The following CEP162 variants were observed in gnomAD, a reference collection of about 807,000 sequenced individuals.
CEP162 encodes centrosomal protein of 162 kDa.
Under a neutral mutation model 169.2 loss-of-function variants are expected in CEP162, and 141 were observed. That is an observed-to-expected ratio of 0.83 (90% CI 0.73 to 0.96). The LOEUF is 0.96. CEP162 is among the 40% of genes least tolerant of loss of function. The pLI is 0.00. For missense variants in CEP162, 1,600 were observed against 1,587.2 expected, an observed-to-expected ratio of 1.01 and a Z score of -0.14; for synonymous variants, 540 against 526.4, an observed-to-expected ratio of 1.03 and a Z score of -0.35.
rs113005837 is a variant in CEP162, at chr6:84,160,490, C to T, written c.2781+322G>A. ...CCTGTACTCCTCTCTCAGCTGTCTA[C>T]GGTCAGGAAGAGAAATCCTAACTCT... On this transcript the variant is annotated intron_variant, in intron 21 of 26. Coordinates refer to ENST00000403245, the MANE Select transcript of CEP162 (RefSeq NM_014895.4). Among the ~76,000 whole-genome samples the T allele has an allele frequency of 5.3e-5, 8 of 152,232 alleles. No individual in the cohort carries two copies. In the South Asian group the frequency reaches 8.3e-4, roughly 16 times the overall value.
At position 84,155,435 on chromosome 6, in the gene CEP162, C is replaced by T; in HGVS notation, c.2857G>A (p.Ala953Thr). ...GTATTTTTATCCACTGTATCACCAGCTGCTGATGCAGCCAATATTAAAGCA... is the reference window on the plus strand; with the variant it reads ...GTATTTTTATCCACTGTATCACCAGTTGCTGATGCAGCCAATATTAAAGCA... The part of the protein sequence containing the change: ...LPALILAASA[A>T]GDTVDKNTVE... The change falls in exon 22 of 27, where the codon GCT becomes ACT. Residue 953 changes from alanine to threonine, a missense_variant. Transcript: ENST00000403245. The T allele has an allele frequency of 6.2e-7, 1 of 1,613,450 alleles. No homozygotes were observed. Among genetic ancestry groups the T allele is most frequent in the Non-Finnish European group, 8.5e-7 (1 of 1,179,502 alleles).
intron 24 of CEP162, among the ~76,000 whole-genome samples, chr6:84,149,293 G>A (rs1481489337): frequency 6.6e-6 from 1 of 152,026 alleles, no homozygotes; most frequent in Non-Finnish European, 1.5e-5. Flanking sequence ...ACTTATTTGA[G>A]AAGTATAGGG....
intron 21 of CEP162, among the ~76,000 whole-genome samples, chr6:84,158,118 A>G (rs546799756): frequency 2.6e-5 from 4 of 152,320 alleles, no homozygotes; most frequent in African/African-American, 9.6e-5. Flanking sequence ...ATTATGGTGA[A>G]GATATCTTTG....
At chr6:84,226,241 T>A (rs985941934) in intron 2 of CEP162, 96 bp downstream of exon 2, 1 of 804,882 alleles carries the variant, frequency 1.2e-6, no homozygotes, top group Non-Finnish European at 2.1e-6. Context: ...ATTCAGAGTT[T>A]GGTGATGGAC....
At chr6:84,136,583 G>A (rs1271457400) in intron 25 of CEP162, among the ~76,000 whole-genome samples, 2 of 152,164 alleles carry the variant, frequency 1.3e-5, no homozygotes, top group African/African-American at 4.8e-5. Context: ...TAGGCTATAT[G>A]TATCTGTTTG....
chr6:84,159,270 A>G (rs1411559922), intron 21 of CEP162, among the ~76,000 whole-genome samples: 1 of 151,024 alleles, frequency 6.6e-6, no homozygotes, highest in Non-Finnish European at 1.5e-5. Flanking sequence ...ACTGTTTAAT[A>G]AAAGTATTAA....
rs767178684 is a variant in CEP162 at position 84,215,898 on chromosome 6, T to C, written c.197A>G (p.Tyr66Cys). The C allele has an allele frequency of 8.3e-6, 13 of 1,571,922 alleles. No homozygotes were observed. The East Asian group carries it at 1.4e-4, about 17-fold the overall frequency. The stretch of plus-strand genomic sequence containing the variant: ...CTGAGAAGTCTTCTTTGTTTTCAAA[T>C]AGCTCACATTTGTTCCAAGAAGTCC... ...DDGLLGTNVS[Y>C]LKTKKTSQPV... The change falls in exon 4 of 27, where the codon TAT becomes TGT. Residue 66 changes from tyrosine (Y) to cysteine (C), a missense_variant. Transcript: ENST00000403245.
chr6:84,201,745 A>G lies in CEP162; in HGVS notation c.710T>C (p.Leu237Pro), dbSNP rs1486663926. Residue 237 changes from leucine to proline, a missense_variant, in exon 8 of 27, where the codon CTT becomes CCT. Transcript: ENST00000403245. ...PKQEEEKTGM[L>P]ANVVLLDSLD... ...ATATAAATAATATTTACCATTAGCA[A>G]GCATGCCAGTTTTTTCTTCTTCCTA... is the stretch of plus-strand genomic sequence containing the variant. 2.3e-6 allele frequency: 3 copies of G among 1,332,526 alleles called. No homozygotes were observed. Among genetic ancestry groups the G allele is most frequent in the African/African-American group, 1.5e-5 (1 of 67,816 alleles). The allele number at this position is 1,332,526 out of a possible 1,614,324, so 82.5% of individuals were successfully genotyped here. A position where few individuals can be genotyped will look rare whatever the true frequency, so the allele number is the denominator to read the frequency against.
intron 6 of CEP162, among the ~76,000 whole-genome samples, chr6:84,206,161 T>C (rs576550075): frequency 6.7e-6 from 1 of 149,360 alleles, no homozygotes; most frequent in South Asian, 2.1e-4. Context: ...AATTTACAGA[T>C]ACAGTGCCAT....
In CEP162 at chr6:84,221,082, T is replaced by TA. The variant is rs1308275734; in HGVS notation, c.146dup (p.Thr50AsnfsTer2). On this transcript the variant is annotated frameshift_variant, in exon 3 of 27. Coordinates refer to ENST00000403245, the MANE Select transcript of CEP162 (RefSeq NM_014895.4). LOFTEE classifies it high-confidence loss of function. ...CATCATCTTTAAAATCATCTTCAGTTATCCACCAAGGCACTGTATCTTTCT... is the reference window on the plus strand; with the variant it reads ...CATCATCTTTAAAATCATCTTCAGTTAATCCACCAAGGCACTGTATCTTTCT... 1 of 1,588,188 alleles carries TA rather than the reference T, an allele frequency of 6.3e-7. No homozygotes were observed. The highest frequency in any genetic ancestry group is 8.6e-7 in the Non-Finnish European group (1 of 1,157,858).
intron 7 of CEP162, 63 bp downstream of exon 7, chr6:84,203,918 C>G: frequency 1.1e-6 from 1 of 900,536 alleles, no homozygotes; most frequent in Non-Finnish European, 1.7e-6. Context: ...CTTCATATAG[C>G]AATAGGCAGC....
intron 9 of CEP162, among the ~76,000 whole-genome samples, chr6:84,197,659 A>C (rs1346305341): frequency 3.3e-5 from 5 of 152,004 alleles, no homozygotes; most frequent in African/African-American, 1.2e-4. Flanking sequence ...CTAAAAAAAA[A>C]TACAAAAATT....
chr6:84,195,258 CTG>C (rs1297943199), intron 9 of CEP162, among the ~76,000 whole-genome samples, 183 bp from the exon 10 acceptor site: 1 of 152,226 alleles, frequency 6.6e-6, no homozygotes, highest in African/African-American at 2.4e-5. Flanking sequence ...TTTTAGCAAA[CTG>C]AGGCGTGTCC....
intron 6 of CEP162, among the ~76,000 whole-genome samples, chr6:84,209,247 CA>C (rs1449896735): frequency 6.6e-6 from 1 of 152,018 alleles, no homozygotes; most frequent in East Asian, 1.9e-4. Context: ...GTACTTTTCT[CA>C]AAAGATTAAT....
chr6:84,202,335 A>T (rs1166111240), intron 7 of CEP162, among the ~76,000 whole-genome samples: 6 of 152,068 alleles, frequency 3.9e-5, no homozygotes, highest in Non-Finnish European at 4.4e-5. Flanking sequence ...TTGGGTAGGC[A>T]GTTTGTGGGA....
At chr6:84,215,231 C>T in intron 5 of CEP162, 51 bp downstream of exon 5, 1 of 1,065,598 alleles carries the variant, frequency 9.4e-7, no homozygotes, top group Non-Finnish European at 1.3e-6. Flanking sequence ...TATCAGCCTT[C>T]CAAAAACATA....
intron 18 of CEP162, among the ~76,000 whole-genome samples, chr6:84,167,933 C>T (rs1732993179): frequency 6.6e-6 from 1 of 152,132 alleles, no homozygotes; most frequent in African/African-American, 2.4e-5. Flanking sequence ...GCTCAGGCCT[C>T]TTGGTTACTA....
chr6:84,153,750 G>A (rs921566192), intron 22 of CEP162, among the ~76,000 whole-genome samples: 3 of 152,130 alleles, frequency 2.0e-5, no homozygotes, highest in Non-Finnish European at 4.4e-5. Flanking sequence ...TATTTACCAA[G>A]TTATGACCTT....
At chr6:84,135,150 C>A (rs2099513443) in intron 25 of CEP162, among the ~76,000 whole-genome samples, 1 of 151,976 alleles carries the variant, frequency 6.6e-6, no homozygotes, top group South Asian at 2.1e-4. Flanking sequence ...TGATTTTATA[C>A]CTTCTAATTG....
Sources: gnomAD v4.1 joint callset for allele counts (sites outside exome capture counted in the v4.1 genomes callset) on GRCh38, gnomAD v4.1.1 for gene constraint, MANE v1.5 for transcripts, NCBI Gene and HGNC (gene_info 2026-07-23, HGNC 2026-07-21) for gene names.